Variants in MGMT observed in about 807,000 individuals in gnomAD.
The protein encoded by MGMT is O-6-methylguanine-DNA methyltransferase.
In MGMT, 14 loss-of-function variants were observed where a neutral mutation model predicts 15.9. The ratio of observed to expected loss-of-function variants is 0.88; its 90% CI spans 0.58 to 1.37. The LOEUF is 1.37. Among genes scored for constraint, MGMT ranks in the 40% most tolerant of loss-of-function variants. The pLI is 0.00. For synonymous variants in MGMT, 130 were observed against 118.2 expected (o/e 1.10, Z -0.65); for missense variants, 282 against 268.1 (o/e 1.05, Z -0.36).
intron 1 of MGMT, among the ~76,000 whole-genome samples, chr10:129,504,777 G>C (rs1386167825): frequency 1.3e-5 from 2 of 152,132 alleles, no homozygotes; most frequent in Non-Finnish European, 1.5e-5. Context: ...TGAGATTTTG[G>C]TTCCCACTGT....
chr10:129,614,258 T>G (rs1268948143), intron 2 of MGMT, among the ~76,000 whole-genome samples: 1 of 152,224 alleles, frequency 6.6e-6, no homozygotes, highest in Non-Finnish European at 1.5e-5. Flanking sequence ...CAAAAGGTCC[T>G]TCCTTCCTCA....
intron 2 of MGMT, among the ~76,000 whole-genome samples, chr10:129,675,801 T>C (rs1847779030): frequency 6.6e-6 from 1 of 152,116 alleles, no homozygotes; most frequent in South Asian, 2.1e-4. Context: ...GAGCAGGCCG[T>C]GGTGACAGAG....
chr10:129,558,517 G>T (rs1846240831), intron 2 of MGMT, among the ~76,000 whole-genome samples: 1 of 152,180 alleles, frequency 6.6e-6, no homozygotes, highest in South Asian at 2.1e-4. Flanking sequence ...GTGGTGGCGG[G>T]GGCCAGTTTG....
At position 129,467,306 on chromosome 10, in the gene MGMT, T is replaced by A. The variant is rs976308334; in HGVS notation, c.-13+10T>A. 7 of 1,537,038 alleles carry A rather than the reference T, an allele frequency of 4.6e-6. No individual in the cohort carries two copies. In the African/African-American group the frequency reaches 7.0e-5, roughly 15 times the overall value. The stretch of plus-strand genomic sequence containing the variant: ...CACCGTTTGCGACTTGGTGAGTGTC[T>A]GGGTCGCCTCGCTCCCGGAAGAGTG... On this transcript the variant is annotated intron_variant, in intron 1 of 4. Transcript: ENST00000651593.
intron 3 of MGMT, among the ~76,000 whole-genome samples, chr10:129,750,858 A>G (rs575074956): frequency 5.1e-4 from 77 of 152,228 alleles, no homozygotes; most frequent in African/African-American, 1.7e-3. Flanking sequence ...TTCATAATGT[A>G]GATTTATTTT....
At chr10:129,511,802 A>C (rs1270937441) in intron 1 of MGMT, among the ~76,000 whole-genome samples, 1 of 152,146 alleles carries the variant, frequency 6.6e-6, no homozygotes, top group Non-Finnish European at 1.5e-5. Flanking sequence ...CCCCTATGCA[A>C]AGTGGCGTCT....
chr10:129,643,394 T>G (rs1318574635), intron 2 of MGMT, among the ~76,000 whole-genome samples: 1 of 152,206 alleles, frequency 6.6e-6, no homozygotes, highest in African/African-American at 2.4e-5. Flanking sequence ...TTCCTGATCT[T>G]GATGTGCCAG....
At chr10:129,737,838 TG>T (rs1461128713) in intron 3 of MGMT, among the ~76,000 whole-genome samples, 1 of 152,188 alleles carries the variant, frequency 6.6e-6, no homozygotes, top group Non-Finnish European at 1.5e-5. Context: ...CTGGCCCTGC[TG>T]GGGGGTGCCT....
In MGMT at chr10:129,708,041, A is replaced by G. The variant is rs1256798399; in HGVS notation, c.272A>G (p.Gln91Arg). Residue 91 changes from glutamine to arginine, a missense_variant and splice_region_variant, in exon 3 of 5, where the codon CAA becomes CGA. Physicochemically the swap from Gln to Arg is conservative, Grantham distance 43. Transcript: ENST00000651593. The part of the protein sequence containing the change: ...VPALHHPVFQ[Q>R]ESFTRQVLWK... ...GCTCTTCACCATCCCGTTTTCCAGC[A>G]AGGTCGGTAACTAAGCCATCTGCGG... The G allele has an allele frequency of 9.9e-6, 16 of 1,611,782 alleles. No individual in the cohort carries two copies. The highest frequency in any genetic ancestry group is 1.4e-5 in the Non-Finnish European group (16 of 1,179,008).
intron 2 of MGMT, among the ~76,000 whole-genome samples, chr10:129,571,052 A>G (rs978679001): frequency 3.9e-5 from 6 of 152,254 alleles, no homozygotes; most frequent in Non-Finnish European, 8.8e-5. Flanking sequence ...CTTAAGAGTA[A>G]CAAGTCGAAT....
intron 2 of MGMT, among the ~76,000 whole-genome samples, chr10:129,663,611 AAC>A (rs760856565): frequency 2.4e-4 from 37 of 152,286 alleles, no homozygotes; most frequent in Admixed American, 1.6e-3. Flanking sequence ...AAAATGGGGA[AAC>A]ACAAATATAT....
In MGMT at chr10:129,534,008, T is replaced by C. The variant is rs145311969; in HGVS notation, c.-12-2233T>C. On this transcript the variant is annotated intron_variant, in intron 1 of 4. Transcript: ENST00000651593. ...AAAATGTTGATCATGGTGGGAACAGTAGTGATCCCCAAATCCTACAGAGCC... is the reference window on the plus strand; with the variant it reads ...AAAATGTTGATCATGGTGGGAACAGCAGTGATCCCCAAATCCTACAGAGCC... Among the ~76,000 whole-genome samples, 1,220 of 152,256 alleles carry C rather than the reference T, an allele frequency of 8.0e-3. 15 individuals are homozygous for C. Among genetic ancestry groups the C allele is most frequent in the African/African-American group, 0.028 (1,172 of 41,540 alleles).
intron 2 of MGMT, among the ~76,000 whole-genome samples, chr10:129,658,787 C>G (rs1176060591): frequency 1.3e-5 from 2 of 152,182 alleles, no homozygotes; most frequent in African/African-American, 4.8e-5. Context: ...TTACAAACAT[C>G]CTGAAGCCTA....
intron 1 of MGMT, among the ~76,000 whole-genome samples, chr10:129,472,480 C>T (rs1341458654): frequency 6.6e-6 from 1 of 152,102 alleles, no homozygotes. Context: ...TCGTTTTCCC[C>T]CCAGTCCAAT....
chr10:129,651,909 AC>A (rs1847462856), intron 2 of MGMT, among the ~76,000 whole-genome samples: 1 of 152,182 alleles, frequency 6.6e-6, no homozygotes, highest in Non-Finnish European at 1.5e-5. Context: ...TAATAACTCA[AC>A]CTAAAAATCC....
chr10:129,689,640 C>A (rs978277928), intron 2 of MGMT, among the ~76,000 whole-genome samples: 3 of 152,162 alleles, frequency 2.0e-5, no homozygotes, highest in African/African-American at 7.2e-5. Context: ...TTTTCTTGGT[C>A]GATTGTGCCA....
chr10:129,745,663 T>C (rs551265946), intron 3 of MGMT, among the ~76,000 whole-genome samples: 3 of 152,268 alleles, frequency 2.0e-5, no homozygotes, highest in Non-Finnish European at 2.9e-5. Context: ...CTAATAGATA[T>C]GTAATGATAT....
rs1468303448 is a variant in MGMT at position 129,576,473 on chromosome 10, C to T, written c.125+40096C>T. On this transcript the variant is annotated intron_variant, in intron 2 of 4. Coordinates refer to ENST00000651593, the MANE Select transcript of MGMT (RefSeq NM_002412.5). ...CAATAGATGCAGAAAAGACCTTTGA[C>T]AAAATTCAACAACCCTTCATGCTAA... is the stretch of plus-strand genomic sequence containing the variant. Among the ~76,000 whole-genome samples the T allele has an allele frequency of 3.3e-5, 5 of 152,194 alleles. No individual in the cohort carries two copies. The East Asian group carries it at 9.6e-4, about 29-fold the overall frequency.
intron 3 of MGMT, among the ~76,000 whole-genome samples, chr10:129,752,026 TTGA>T (rs1848755773): frequency 6.6e-6 from 1 of 151,988 alleles, no homozygotes; most frequent in Non-Finnish European, 1.5e-5. Flanking sequence ...ATCCAATCGG[TTGA>T]TAATATTTTT....
Sources: allele counts gnomAD v4.1 joint callset (sites outside exome capture counted in the v4.1 genomes callset), GRCh38; gene constraint gnomAD v4.1.1; transcripts MANE v1.5; gene names NCBI Gene and HGNC (gene_info 2026-07-23, HGNC 2026-07-21).